Variants in B4GALT1 observed in about 807,000 individuals in gnomAD.
B4GALT1 encodes N-acetyllactosamine synthase.
A neutral mutation model predicts 34.9 loss-of-function variants in B4GALT1; 16 were observed. That is an observed-to-expected ratio of 0.46 (90% CI 0.31 to 0.70). The LOEUF (loss-of-function observed/expected upper bound fraction) is 0.70, where lower values mean the gene tolerates loss of function less well. Ranked by LOEUF, B4GALT1 falls within the 30% of genes least tolerant of loss-of-function variation. The pLI is 0.05. For synonymous variants in B4GALT1, 221 were observed against 218.1 expected (o/e 1.01, Z -0.12); for missense variants, 445 against 530.5 (o/e 0.84, Z 1.58).
intron 1 of B4GALT1, among the ~76,000 whole-genome samples, chr9:33,140,771 T>A (rs1011658690): frequency 1.3e-5 from 2 of 152,130 alleles, no homozygotes; most frequent in Non-Finnish European, 2.9e-5. Context: ...TGTACCAATC[T>A]TCCAAAGGCC....
the B4GALT1 span, chr9:33,177,440 A>G: frequency 6.6e-6 from 1 of 152,172 alleles, no homozygotes; most frequent in Non-Finnish European, 1.5e-5. Flanking sequence ...ACTAGTTTCC[A>G]TGGCCAAACC....
intron 1 of B4GALT1, among the ~76,000 whole-genome samples, chr9:33,165,108 G>A (rs1048507781): frequency 2.0e-5 from 3 of 151,378 alleles, no homozygotes; most frequent in Non-Finnish European, 4.4e-5. Flanking sequence ...GAGTAGCTGC[G>A]ATGCCACCAC....
chr9:33,167,326 G>A lies in B4GALT1; in HGVS notation c.-157C>T. 2.0e-6 allele frequency: 2 copies of A among 998,440 alleles called. No homozygotes were observed. Among genetic ancestry groups the A allele is most frequent in the South Asian group, 3.2e-5 (1 of 30,784 alleles). 61.8% of individuals were successfully genotyped at this position (998,440 alleles called of 1,614,324 possible). ...GAGCTGAGACTCCTCCAGCCAGCCA[G>A]ACCTGGGAGCGGCGAGAAGCCGCCC... On this transcript the variant is annotated 5_prime_UTR_variant, in exon 1 of 6. Transcript: ENST00000379731.
chr9:33,126,658 T>TGGTTA (rs1840107705), intron 2 of B4GALT1, among the ~76,000 whole-genome samples: 1 of 152,166 alleles, frequency 6.6e-6, no homozygotes, highest in Non-Finnish European at 1.5e-5. Context: ...TTGTTAACCA[T>TGGTTA]AGCAATATGG....
At chr9:33,166,414 A>G (rs1367200768) in intron 1 of B4GALT1, among the ~76,000 whole-genome samples, 1 of 152,138 alleles carries the variant, frequency 6.6e-6, no homozygotes, top group East Asian at 1.9e-4. Context: ...TTCTCAGTGC[A>G]AGGCTGCTCG....
At chr9:33,169,851 A>G (rs1840824004), upstream of B4GALT1, among the ~76,000 whole-genome samples, 1 of 150,876 alleles carries the variant, frequency 6.6e-6, no homozygotes, top group Non-Finnish European at 1.5e-5. Context: ...CAGAGTGGAT[A>G]TCAACTACCC....
At chr9:33,147,147 C>G (rs900006942) in intron 1 of B4GALT1, among the ~76,000 whole-genome samples, 1 of 152,112 alleles carries the variant, frequency 6.6e-6, no homozygotes, top group Non-Finnish European at 1.5e-5. Context: ...GGTGACAGCA[C>G]AGTTCCTAAC....
chr9:33,104,732 G>T (rs1839781444), exon 3 of B4GALT1: 1 of 455,756 alleles, frequency 2.2e-6, no homozygotes, highest in Non-Finnish European at 4.4e-6. Context: ...CTCCAGAGCA[G>T]AACAGACCAG....
intron 1 of B4GALT1, among the ~76,000 whole-genome samples, chr9:33,141,495 C>G (rs552261612): frequency 1.3e-5 from 2 of 152,050 alleles, no homozygotes; most frequent in African/African-American, 4.8e-5. Context: ...CCAGCCTGGG[C>G]GACAGAGCAA....
At chr9:33,183,021 TC>T in the B4GALT1 span, among the ~76,000 whole-genome samples, 1 of 152,328 alleles carries the variant, frequency 6.6e-6, no homozygotes, top group South Asian at 2.1e-4. Context: ...TACCCGCTTA[TC>T]CATCGCTTTC....
chr9:33,179,134 A>G, the B4GALT1 span, among the ~76,000 whole-genome samples: 6 of 152,370 alleles, frequency 3.9e-5, no homozygotes, highest in African/African-American at 1.4e-4. Flanking sequence ...ACCCAACATT[A>G]TCATATTCTG....
chr9:33,122,500 C>A (rs1207083414), intron 2 of B4GALT1, among the ~76,000 whole-genome samples: 2 of 147,274 alleles, frequency 1.4e-5, no homozygotes, highest in Non-Finnish European at 3.0e-5. Flanking sequence ...GAGTGAGACC[C>A]CCATCTCAAA....
intron 1 of B4GALT1, among the ~76,000 whole-genome samples, chr9:33,137,577 A>G (rs559655330): frequency 6.6e-6 from 1 of 152,292 alleles, no homozygotes; most frequent in African/African-American, 2.4e-5. Flanking sequence ...ACCCTGGACA[A>G]GTTTTTCCCA....
At chr9:33,142,519 C>T (rs1291052526) in intron 1 of B4GALT1, among the ~76,000 whole-genome samples, 2 of 152,084 alleles carry the variant, frequency 1.3e-5, no homozygotes, top group African/African-American at 4.8e-5. Context: ...TTGGGTACAC[C>T]ACACACAAAC....
upstream of B4GALT1, among the ~76,000 whole-genome samples, chr9:33,169,399 A>G (rs908365397): frequency 1.4e-4 from 22 of 152,152 alleles, no homozygotes; most frequent in African/African-American, 5.1e-4. Flanking sequence ...TTAGCCTGAA[A>G]CACTTGTCCC....
rs180690178 is a variant in B4GALT1 at position 33,163,625 on chromosome 9, T to C, written c.412+3133A>G. Reference sequence around the variant, plus strand: ...ACTGGCAGTGCCACAGCTGGTCAAGTCCCATTGAGCTGCTGCCCAATCTGA... The same window carrying C: ...ACTGGCAGTGCCACAGCTGGTCAAGCCCCATTGAGCTGCTGCCCAATCTGA... On this transcript the variant is annotated intron_variant, in intron 1 of 5. Transcript: ENST00000379731. Among the ~76,000 whole-genome samples, 21 of 152,230 alleles carry C rather than the reference T, an allele frequency of 1.4e-4. No homozygotes were observed. The East Asian group carries it at 4.1e-3, about 29-fold the overall frequency.
At chr9:33,109,572 G>C (rs1175218026), downstream of B4GALT1, among the ~76,000 whole-genome samples, 1 of 152,222 alleles carries the variant, frequency 6.6e-6, no homozygotes, top group Non-Finnish European at 1.5e-5. Context: ...CTAAGTTGTG[G>C]CGGGAGGATT....
chr9:33,104,999 T>C (rs1053699297), intron 2 of B4GALT1, among the ~76,000 whole-genome samples: 7 of 151,780 alleles, frequency 4.6e-5, no homozygotes, highest in Non-Finnish European at 8.8e-5. Context: ...TTTGTATTTT[T>C]AGTAGAGACG....
In B4GALT1 at chr9:33,113,498, G is replaced by A. The variant is rs748007927; in HGVS notation, c.1153C>T (p.Pro385Ser). ...TCCACTGTGATTTGGGTATACAATG[G>A]GTATCTCTGTACATCCAGCACCTGG... is the stretch of plus-strand genomic sequence containing the variant. ...TYQVLDVQRY[P>S]LYTQITVDIG... Residue 385 changes from proline to serine, a missense_variant, in exon 6 of 6, where the codon CCA becomes TCA. By Grantham distance (74) the Pro-to-Ser change is moderately conservative. Coordinates refer to ENST00000379731, the MANE Select transcript of B4GALT1 (RefSeq NM_001497.4). 1 of 1,614,176 alleles carries A rather than the reference G, an allele frequency of 6.2e-7. No homozygotes were observed.
Sources: allele counts gnomAD v4.1 joint callset (sites outside exome capture counted in the v4.1 genomes callset), GRCh38; gene constraint gnomAD v4.1.1; transcripts MANE v1.5; gene names NCBI Gene and HGNC (gene_info 2026-07-23, HGNC 2026-07-21).